Variants in PEX14 observed in about 807,000 individuals in gnomAD.
PEX14 encodes peroxisomal biogenesis factor 14.
PEX14 carries 15 observed loss-of-function variants against 49.5 expected under a neutral mutation model. The observed-to-expected ratio is 0.30, with a 90% CI of 0.20 to 0.47. The LOEUF is 0.47. Among genes scored for constraint, PEX14 ranks in the 20% least tolerant of loss-of-function variants. PEX14 has a pLI of 1.00. For synonymous variants in PEX14, 210 were observed against 212.7 expected, an observed-to-expected ratio of 0.99 and a Z score of 0.11; for missense variants, 398 against 494.8, an observed-to-expected ratio of 0.80 and a Z score of 1.86.
chr1:10,520,153 T>TTTTTTTTTTTTTTTTTTTTTTTTG (rs754714815), intron 2 of PEX14, among the ~76,000 whole-genome samples: 1 of 91,914 alleles, frequency 1.1e-5, no homozygotes, highest in African/African-American at 3.6e-5. Context: ...TTCTTCTTTT[T>TTTTTTTTTTTTTTTTTTTTTTTTG]TTTTTTTTTG....
rs143538065 is a variant in PEX14, at chr1:10,515,493, C to T, written c.84+20172C>T. On this transcript the variant is annotated intron_variant, in intron 2 of 8. Transcript: ENST00000356607. The stretch of plus-strand genomic sequence containing the variant: ...GATGGGTGATTTCCCCTTGAGACAC[C>T]CTGGAAAGAGAGTGCCTGGCCGGCT... 2.6e-5 allele frequency among the ~76,000 whole-genome samples: 4 copies of T among 152,160 alleles called. No individual in the cohort carries two copies. In the East Asian group the frequency reaches 7.7e-4, roughly 29 times the overall value.
In PEX14 at chr1:10,628,417, A is replaced by G. The variant is rs1299105625; in HGVS notation, c.677+1054A>G. 6.6e-6 allele frequency among the ~76,000 whole-genome samples: 1 copy of G among 152,156 alleles called. No individual in the cohort carries two copies. The highest frequency in any genetic ancestry group is 2.4e-5 in the African/African-American group (1 of 41,446). Reference sequence around the variant, plus strand: ...GGAGGGTGCAGGTGGGCTTTTCACTAGGGTCCAGGATGGGGTGCAGAGGGG... The same window carrying G: ...GGAGGGTGCAGGTGGGCTTTTCACTGGGGTCCAGGATGGGGTGCAGAGGGG... On this transcript the variant is annotated intron_variant, in intron 8 of 8. Coordinates refer to ENST00000356607, the MANE Select transcript of PEX14 (RefSeq NM_004565.3). This position sits in a 1 kb window ranked among gnomAD's most constrained non-coding sequence, Gnocchi z 4.5.
At chr1:10,498,765 G>A (rs1292350133) in intron 2 of PEX14, among the ~76,000 whole-genome samples, 4 of 152,184 alleles carry the variant, frequency 2.6e-5, no homozygotes, top group Admixed American at 2.6e-4. Context: ...GAAATTCTCT[G>A]TTGTTGACAA....
chr1:10,514,520 G>A lies in PEX14; in HGVS notation c.84+19199G>A, dbSNP rs1415656140. ...TACCTTATTTTGTTCAAGGTTCCAC[G>A]TTCACACAGGAACTTTGGGCCTAAG... On this transcript the variant is annotated intron_variant, in intron 2 of 8. Coordinates refer to ENST00000356607, the MANE Select transcript of PEX14 (RefSeq NM_004565.3). The surrounding 1 kb of genome is among the most constrained non-coding windows in gnomAD (Gnocchi z 4.4). Among the ~76,000 whole-genome samples the A allele has an allele frequency of 2.0e-5, 3 of 152,102 alleles. No individual in the cohort carries two copies. Among genetic ancestry groups the A allele is most frequent in the African/African-American group, 7.2e-5 (3 of 41,410 alleles).
In PEX14 at chr1:10,623,046, G is replaced by A. The variant is rs376462571; in HGVS notation, c.412G>A (p.Gly138Ser). 1.4e-5 allele frequency: 22 copies of A among 1,613,622 alleles called. No individual in the cohort carries two copies. Among genetic ancestry groups the A allele is most frequent in the African/African-American group, 6.7e-5 (5 of 74,820 alleles). ...KKYLLPLILG[G>S]REDRKQLERM... Reference sequence around the variant, plus strand: ...ATACCTGCTCCCCCTCATCCTGGGCGGCCGAGAGGACAGAAAGCAGCTGGA... The same window carrying A: ...ATACCTGCTCCCCCTCATCCTGGGCAGCCGAGAGGACAGAAAGCAGCTGGA... The change falls in exon 6 of 9, where the codon GGC becomes AGC. Residue 138 changes from glycine (G) to serine (S), a missense_variant. Around this residue, in one of 3 missense-constraint regions of PEX14, gnomAD observed 202 missense variants for 298.5 expected, o/e 0.68. Transcript: ENST00000356607. This position sits in a 1 kb window ranked among gnomAD's most constrained non-coding sequence, Gnocchi z 4.4.
chr1:10,502,980 G>T (rs976455610), intron 2 of PEX14, among the ~76,000 whole-genome samples: 1 of 151,406 alleles, frequency 6.6e-6, no homozygotes, highest in East Asian at 1.9e-4. Flanking sequence ...TAAAAAAATT[G>T]TGTAGAGATG....
At chr1:10,561,704 C>CTT (rs1239986739) in intron 3 of PEX14, among the ~76,000 whole-genome samples, 1 of 152,196 alleles carries the variant, frequency 6.6e-6, no homozygotes, top group Non-Finnish European at 1.5e-5. Flanking sequence ...ACTCAACAGC[C>CTT]TTTCATTCAG....
At chr1:10,618,466 G>T in intron 5 of PEX14, 49 bp downstream of exon 5, 1 of 1,398,302 alleles carries the variant, frequency 7.2e-7, no homozygotes, top group South Asian at 1.2e-5. Context: ...CCACCCTGTG[G>T]CATTCAGCAC....
intron 3 of PEX14, among the ~76,000 whole-genome samples, chr1:10,558,298 GT>G (rs1174139954): frequency 6.6e-6 from 1 of 151,774 alleles, no homozygotes; most frequent in Non-Finnish European, 1.5e-5. Context: ...GTGAGCCACC[GT>G]GCCCGGCCTG....
intron 1 of PEX14, among the ~76,000 whole-genome samples, chr1:10,478,136 C>T (rs1454831498): frequency 6.6e-6 from 1 of 152,144 alleles, no homozygotes; most frequent in Non-Finnish European, 1.5e-5. Flanking sequence ...AACCTGCCCA[C>T]CTCGGCCTCC....
rs1237275718 is a variant in PEX14 at position 10,480,004 on chromosome 1, A to G, written c.36+5002A>G. Among the ~76,000 whole-genome samples the G allele has an allele frequency of 2.6e-5, 4 of 152,242 alleles. No homozygotes were observed. In the East Asian group the frequency reaches 7.7e-4, roughly 29 times the overall value. On this transcript the variant is annotated intron_variant, in intron 1 of 8. Coordinates refer to ENST00000356607, the MANE Select transcript of PEX14 (RefSeq NM_004565.3). ...AGCCTGGGCAACAGAGTGCAACCCT[A>G]TCACTTAAAAAATAAATAAATAAAA...
intron 3 of PEX14, among the ~76,000 whole-genome samples, chr1:10,586,145 T>C (rs1640478417): frequency 6.6e-6 from 1 of 152,222 alleles, no homozygotes; most frequent in Non-Finnish European, 1.5e-5. Context: ...ATCCAGATTC[T>C]AACAACACAA....
At chr1:10,627,111 A>G (rs1641770077) in intron 7 of PEX14, among the ~76,000 whole-genome samples, 161 bp from the exon 8 acceptor site, 1 of 152,232 alleles carries the variant, frequency 6.6e-6, no homozygotes, top group Non-Finnish European at 1.5e-5. Flanking sequence ...TGTCATCCAG[A>G]GACGTGGCAG....
At chr1:10,616,070 G>C (rs1221269267) in intron 4 of PEX14, among the ~76,000 whole-genome samples, 2 of 152,186 alleles carry the variant, frequency 1.3e-5, no homozygotes, top group Non-Finnish European at 2.9e-5. Context: ...GGACACACCG[G>C]GGAGTCTCGC....
In PEX14 at chr1:10,623,179, C is replaced by T; in HGVS notation, c.487+58C>T. The T allele has an allele frequency of 9.4e-7, 1 of 1,068,896 alleles. No individual in the cohort carries two copies. Among genetic ancestry groups the T allele is most frequent in the Non-Finnish European group, 1.4e-6 (1 of 695,698 alleles). 66.2% of individuals were successfully genotyped at this position (1,068,896 alleles called of 1,614,324 possible). ...CACAGCCTTCTCCAAGCAGCCCCTT[C>T]TCTGCCCCTCCCCTCTCCCTCTGTC... On this transcript the variant is annotated intron_variant, in intron 6 of 8. Transcript: ENST00000356607. This position sits in a 1 kb window ranked among gnomAD's most constrained non-coding sequence, Gnocchi z 4.4.
chr1:10,563,078 AT>A (rs70997252), intron 3 of PEX14, among the ~76,000 whole-genome samples: 2,190 of 129,478 alleles, frequency 0.017, 47 homozygotes, highest in African/African-American at 0.056. Flanking sequence ...TGCCTGGCTA[AT>A]TTTTTTTTTT....
intron 3 of PEX14, among the ~76,000 whole-genome samples, chr1:10,563,665 C>G (rs1179604086): frequency 1.3e-5 from 2 of 152,024 alleles, no homozygotes; most frequent in Non-Finnish European, 2.9e-5. Flanking sequence ...TGGCTCACAC[C>G]TGTAATCCCA....
At chr1:10,547,615 G>A (rs921804483) in intron 3 of PEX14, among the ~76,000 whole-genome samples, 2 of 152,102 alleles carry the variant, frequency 1.3e-5, no homozygotes, top group African/African-American at 4.8e-5. Context: ...GAGATTAACA[G>A]TGTTAACTAA....
At chr1:10,619,777 TGTATTCCTGGAGCTG>T (rs1641537918) in intron 5 of PEX14, among the ~76,000 whole-genome samples, 2 of 152,208 alleles carry the variant, frequency 1.3e-5, no homozygotes, top group Non-Finnish European at 2.9e-5. Flanking sequence ...AAGTGTAGCA[TGTATTCCTGGAGCTG>T]GACATTTCCA....
Sources: allele counts gnomAD v4.1 joint callset (sites outside exome capture counted in the v4.1 genomes callset), GRCh38; gene constraint gnomAD v4.1.1; regional missense constraint gnomAD v4.1.1; non-coding constraint Gnocchi (gnomAD v3.1); transcripts MANE v1.5; gene names NCBI Gene and HGNC (gene_info 2026-07-23, HGNC 2026-07-21).